TMEM74: variants seen among roughly 807,000 people sequenced by gnomAD.
TMEM74 encodes transmembrane protein 74.
TMEM74 carries 13 observed loss-of-function variants against 18.1 expected under a neutral mutation model. That is an observed-to-expected ratio of 0.72 (90% CI 0.47 to 1.14). The LOEUF is 1.14. Ranked by LOEUF, TMEM74 falls within the 50% of genes most tolerant of loss-of-function variation. The probability of loss-of-function intolerance (pLI) is 0.00; values close to 1 mark genes in which losing one functional copy is unlikely to be tolerated. For synonymous variants in TMEM74, 159 were observed against 146.6 expected, an observed-to-expected ratio of 1.08 and a Z score of -0.61; for missense variants, 372 against 375.9, an observed-to-expected ratio of 0.99 and a Z score of 0.09.
At chr8:108,757,057 T>C (rs937115766) in intron 1 of TMEM74, among the ~76,000 whole-genome samples, 1 of 152,098 alleles carries the variant, frequency 6.6e-6, no homozygotes, top group Non-Finnish European at 1.5e-5. Context: ...TTTTGTTTCC[T>C]CAGGAGCTAG....
chr8:108,740,835 G>A (rs530811780), intron 1 of TMEM74, among the ~76,000 whole-genome samples: 1 of 152,126 alleles, frequency 6.6e-6, no homozygotes. Flanking sequence ...ATAAGTTCTT[G>A]TCTATGATTT....
intron 1 of TMEM74, among the ~76,000 whole-genome samples, chr8:108,741,181 T>TA (rs141294530): frequency 1.3e-5 from 2 of 152,134 alleles, no homozygotes; most frequent in South Asian, 2.1e-4. Context: ...AAAACTACTT[T>TA]AAAAAAATCA....
intron 2 of TMEM74, among the ~76,000 whole-genome samples, chr8:108,609,839 G>A (rs2928833): frequency 0.22 from 32,698 of 152,070 alleles, 3,538 homozygotes; most frequent in East Asian, 0.27. Context: ...AATCCTTCAA[G>A]CAATTGCTTA....
intron 1 of TMEM74, among the ~76,000 whole-genome samples, chr8:108,756,401 A>G (rs1287846697): frequency 6.6e-6 from 1 of 151,570 alleles, no homozygotes; most frequent in African/African-American, 2.4e-5. Context: ...AATCTGTTCC[A>G]GTAAGTGTAT....
chr8:108,722,872 T>C (rs1241019762), intron 1 of TMEM74, among the ~76,000 whole-genome samples: 2 of 152,214 alleles, frequency 1.3e-5, no homozygotes, highest in Non-Finnish European at 2.9e-5. Flanking sequence ...TTAAGAATTA[T>C]AGAGCCCTAG....
chr8:108,786,462 A>C (rs976255804), intron 1 of TMEM74, among the ~76,000 whole-genome samples: 1 of 152,218 alleles, frequency 6.6e-6, no homozygotes, highest in Non-Finnish European at 1.5e-5. Context: ...ACAGAAACAC[A>C]GGCAAGGGTC....
intron 1 of TMEM74, among the ~76,000 whole-genome samples, chr8:108,695,030 C>T (rs958111366): frequency 1.3e-5 from 2 of 152,160 alleles, no homozygotes; most frequent in Admixed American, 6.5e-5. Context: ...GCTAACCACA[C>T]GCTGGGCCAG....
At chr8:108,693,486 T>C (rs1404874868) in intron 1 of TMEM74, among the ~76,000 whole-genome samples, 1 of 152,144 alleles carries the variant, frequency 6.6e-6, no homozygotes, top group Non-Finnish European at 1.5e-5. Context: ...CACTCCATGA[T>C]GAAAGGGCAA....
chr8:108,748,224 C>T (rs553203444), intron 1 of TMEM74, among the ~76,000 whole-genome samples: 2 of 152,172 alleles, frequency 1.3e-5, no homozygotes, highest in Admixed American at 1.3e-4. Flanking sequence ...CACTAAGCAC[C>T]TGTTGTTTAT....
At chr8:108,657,571 T>A (rs2130576937) in intron 1 of TMEM74, among the ~76,000 whole-genome samples, 1 of 151,788 alleles carries the variant, frequency 6.6e-6, no homozygotes, top group African/African-American at 2.4e-5. Flanking sequence ...TAAAAAATAT[T>A]TTTGGACCGG....
intron 1 of TMEM74, among the ~76,000 whole-genome samples, chr8:108,698,380 T>C (rs1259257312): frequency 1.3e-5 from 2 of 152,174 alleles, no homozygotes; most frequent in African/African-American, 4.8e-5. Flanking sequence ...CTTCCATCTT[T>C]ACTATATGCT....
chr8:108,712,662 G>C (rs561146539), intron 1 of TMEM74, among the ~76,000 whole-genome samples: 8 of 150,476 alleles, frequency 5.3e-5, no homozygotes, highest in African/African-American at 1.9e-4. Context: ...CAAAGTAATT[G>C]CTTCCTGGTA....
At chr8:108,683,534 T>A (rs559193156) in intron 1 of TMEM74, among the ~76,000 whole-genome samples, 10 of 152,046 alleles carry the variant, frequency 6.6e-5, no homozygotes, top group African/African-American at 2.4e-4. Flanking sequence ...TACAATTATG[T>A]TATTACAAAA....
chr8:108,673,023 A>G (rs1434137856), intron 1 of TMEM74, among the ~76,000 whole-genome samples: 1 of 152,192 alleles, frequency 6.6e-6, no homozygotes, highest in Non-Finnish European at 1.5e-5. Context: ...TTTCAACTTC[A>G]TTTATCTTAT....
intron 1 of TMEM74, among the ~76,000 whole-genome samples, chr8:108,705,487 T>C (rs1335858738): frequency 2.6e-5 from 4 of 152,308 alleles, no homozygotes; most frequent in Non-Finnish European, 4.4e-5. Context: ...GGTTCTTATA[T>C]ACAAATTAGG....
At chr8:108,690,829 T>TA (rs1373939380) in intron 1 of TMEM74, among the ~76,000 whole-genome samples, 1 of 151,296 alleles carries the variant, frequency 6.6e-6, no homozygotes, top group Non-Finnish European at 1.5e-5. Flanking sequence ...TCAAAAAAAA[T>TA]AAAAAATAAT....
intron 1 of TMEM74, among the ~76,000 whole-genome samples, chr8:108,727,534 G>A (rs1268904064): frequency 6.6e-6 from 1 of 152,124 alleles, no homozygotes; most frequent in Non-Finnish European, 1.5e-5. Flanking sequence ...CTGAGATGTG[G>A]GGAGCTGTGG....
chr8:108,649,690 A>G (rs1812753706), intron 2 of TMEM74, among the ~76,000 whole-genome samples: 2 of 152,156 alleles, frequency 1.3e-5, no homozygotes, highest in African/African-American at 4.8e-5. Context: ...CTAACCCTGC[A>G]CTGTCTAATC....
At chr8:108,634,679 G>A (rs113683828) in intron 2 of TMEM74, among the ~76,000 whole-genome samples, 211 of 152,072 alleles carry the variant, frequency 1.4e-3, no homozygotes, top group Middle Eastern at 6.8e-3. Context: ...TCCTCTTTAG[G>A]CATGTGGGGA....
Sources: allele counts gnomAD v4.1 joint callset (sites outside exome capture counted in the v4.1 genomes callset), GRCh38; gene constraint gnomAD v4.1.1; transcripts MANE v1.5; gene names NCBI Gene and HGNC (gene_info 2026-07-23, HGNC 2026-07-21).